Variants in IFT88 observed in about 807,000 individuals in gnomAD.
IFT88 encodes the protein intraflagellar transport protein 88 homolog.
IFT88 carries 74 observed loss-of-function variants against 119.5 expected under a neutral mutation model. The observed-to-expected ratio is 0.62, with a 90% CI of 0.51 to 0.75. The LOEUF (loss-of-function observed/expected upper bound fraction) is 0.75. IFT88 is among the 30% of genes least tolerant of loss of function. The pLI is 0.00. For synonymous variants in IFT88, 279 were observed against 316.7 expected (o/e 0.88, Z 1.26); for missense variants, 961 against 977.7 (o/e 0.98, Z 0.23).
intron 24 of IFT88, among the ~76,000 whole-genome samples, chr13:20,679,562 G>A (rs941978753): frequency 3.7e-4 from 56 of 152,274 alleles, no homozygotes; most frequent in African/African-American, 1.3e-3. Flanking sequence ...AGAATGATCA[G>A]TATTATACAA....
At chr13:20,687,973 G>A (rs1250918022) in intron 24 of IFT88, among the ~76,000 whole-genome samples, 3 of 152,216 alleles carry the variant, frequency 2.0e-5, no homozygotes, top group South Asian at 4.1e-4. Flanking sequence ...AGCAGAGGTC[G>A]GATCAAAGAA....
intron 23 of IFT88, among the ~76,000 whole-genome samples, chr13:20,668,717 A>G (rs930189203): frequency 6.6e-6 from 1 of 152,202 alleles, no homozygotes; most frequent in Admixed American, 6.5e-5. Context: ...CAGGGGACAC[A>G]CAGGGGGTCT....
intron 15 of IFT88, among the ~76,000 whole-genome samples, chr13:20,626,647 C>G (rs891266451): frequency 6.6e-6 from 1 of 152,170 alleles, no homozygotes; most frequent in Non-Finnish European, 1.5e-5. Flanking sequence ...CCCCGCAGAT[C>G]TCTCACTGGC....
At chr13:20,660,574 T>C (rs2053622611) in intron 22 of IFT88, among the ~76,000 whole-genome samples, 1 of 152,208 alleles carries the variant, frequency 6.6e-6, no homozygotes, top group Non-Finnish European at 1.5e-5. Context: ...AAAATCACAG[T>C]ATTCACTTGG....
chr13:20,636,893 C>G (rs1236148420), intron 16 of IFT88, among the ~76,000 whole-genome samples: 1 of 152,164 alleles, frequency 6.6e-6, no homozygotes, highest in African/African-American at 2.4e-5. Context: ...GGAAGCAACC[C>G]AAGTGTCCAT....
In IFT88 at chr13:20,605,638, C is replaced by G. The variant is rs148974370; in HGVS notation, c.1112+533C>G. On this transcript the variant is annotated intron_variant, in intron 13 of 25. Transcript: ENST00000351808. ...ACCAATTATCCATCTCCCTGGACAC[C>G]AAGGGCTTAGTCCCACAAGACTACT... Among the ~76,000 whole-genome samples the G allele has an allele frequency of 1.9e-3, 294 of 152,168 alleles. 2 individuals carry two copies. The highest frequency in any genetic ancestry group is 6.8e-3 in the African/African-American group (281 of 41,502).
intron 13 of IFT88, 75 bp downstream of exon 13, chr13:20,605,180 T>A: frequency 1.8e-6 from 1 of 567,674 alleles, no homozygotes; most frequent in Non-Finnish European, 3.0e-6. Flanking sequence ...TTAAGATACT[T>A]AATATTTGAA....
chr13:20,638,106 T>C (rs929857503), intron 16 of IFT88, among the ~76,000 whole-genome samples: 4 of 152,212 alleles, frequency 2.6e-5, no homozygotes, highest in African/African-American at 9.6e-5. Flanking sequence ...AGTGTTGTTA[T>C]TCTAACCATG....
chr13:20,580,004 C>G (rs2038231017), intron 2 of IFT88, among the ~76,000 whole-genome samples: 2 of 152,188 alleles, frequency 1.3e-5, no homozygotes, highest in Admixed American at 1.3e-4. Context: ...TCCCATCACT[C>G]AAGAAATAAC....
chr13:20,670,283 G>A (rs1309189075), intron 23 of IFT88, among the ~76,000 whole-genome samples: 1 of 152,082 alleles, frequency 6.6e-6, no homozygotes, highest in African/African-American at 2.4e-5. Flanking sequence ...TTATACATAT[G>A]AAAATTTGAT....
At chr13:20,679,884 T>A (rs1378887921) in intron 24 of IFT88, among the ~76,000 whole-genome samples, 3 of 152,210 alleles carry the variant, frequency 2.0e-5, no homozygotes, top group Non-Finnish European at 4.4e-5. Flanking sequence ...GCCCAAATAA[T>A]AGGAACTCTT....
chr13:20,674,702 T>TTTTA (rs1471159224), intron 24 of IFT88, among the ~76,000 whole-genome samples: 4 of 90,634 alleles, frequency 4.4e-5, no homozygotes, highest in Non-Finnish European at 8.4e-5. Flanking sequence ...AACTGAAGTT[T>TTTTA]TATATATATA....
intron 16 of IFT88, among the ~76,000 whole-genome samples, chr13:20,633,516 G>A (rs1356828371): frequency 2.0e-5 from 3 of 152,172 alleles, no homozygotes; most frequent in South Asian, 4.1e-4. Flanking sequence ...AGTCCATGGC[G>A]TGAAGCATGG....
intron 19 of IFT88, among the ~76,000 whole-genome samples, chr13:20,643,935 G>A (rs539323073): frequency 1.5e-3 from 226 of 152,172 alleles, no homozygotes; most frequent in Non-Finnish European, 2.4e-3. Flanking sequence ...TGTATTTTTA[G>A]TAGAGGGGTG....
chr13:20,593,775 C>T lies in IFT88; in HGVS notation c.398+1371C>T, dbSNP rs528432183. Reference sequence around the variant, plus strand: ...AAAAAAAGTAAGGACACAGGCCGGGCGTGGTGGCTCATGCCTATAATCTCA... The same window carrying T: ...AAAAAAAGTAAGGACACAGGCCGGGTGTGGTGGCTCATGCCTATAATCTCA... On this transcript the variant is annotated intron_variant, in intron 7 of 25. Coordinates refer to ENST00000351808, the MANE Select transcript of IFT88 (RefSeq NM_006531.5). Among the ~76,000 whole-genome samples, 11 of 152,126 alleles carry T rather than the reference C, an allele frequency of 7.2e-5. No homozygotes were observed. In the South Asian group the frequency reaches 1.7e-3, roughly 23 times the overall value.
At chr13:20,586,569 G>T (rs761719623) in intron 3 of IFT88, among the ~76,000 whole-genome samples, 6 of 152,092 alleles carry the variant, frequency 3.9e-5, no homozygotes, top group Non-Finnish European at 8.8e-5. Flanking sequence ...TGCAGATAAG[G>T]GTACAAGATG....
Position 20,599,524 on chromosome 13 carries a change from A to G in IFT88, c.771A>G (p.Arg257=). The stretch of plus-strand genomic sequence containing the variant: ...ATTCCAAAGCCATTAAATTCTACCG[A>G]ATGGCATTAGACCAAGTTCCAAGTG... The part of the protein sequence containing the change: ...RNYSKAIKFY[R]MALDQVPSVN... Residue 257 remains arginine, a synonymous_variant, in exon 11 of 26, where the codon CGA becomes CGG. Transcript: ENST00000351808. 1 of 1,555,804 alleles carries G rather than the reference A, an allele frequency of 6.4e-7. No homozygotes were observed.
In IFT88 at chr13:20,656,414, TC is replaced by T; in HGVS notation, c.2054del (p.Pro685GlnfsTer10). 1 of 1,514,360 alleles carries T rather than the reference TC, an allele frequency of 6.6e-7. No individual in the cohort carries two copies. The highest frequency in any genetic ancestry group is 9.0e-7 in the Non-Finnish European group (1 of 1,108,566). 93.8% of individuals were successfully genotyped at this position (1,514,360 alleles called of 1,614,324 possible). ...DTYKDTHRKF[P>X]ENVECLRFLV... ...CTTACAAAGATACTCACAGAAAATT[TC>T]CAGAAAATGTCGAATGTAAGTGGCA... On this transcript the variant is annotated frameshift_variant, in exon 22 of 26. Transcript: ENST00000351808. LOFTEE classifies it high-confidence loss of function.
chr13:20,568,778 G>A (rs1566021679), intron 1 of IFT88, among the ~76,000 whole-genome samples: 1 of 152,050 alleles, frequency 6.6e-6, no homozygotes, highest in East Asian at 1.9e-4. Flanking sequence ...GGAGTGCAGT[G>A]GCGGCAATCT....
Sources: allele counts gnomAD v4.1 joint callset (sites outside exome capture counted in the v4.1 genomes callset), GRCh38; gene constraint gnomAD v4.1.1; transcripts MANE v1.5; gene names NCBI Gene and HGNC (gene_info 2026-07-23, HGNC 2026-07-21).